ANO1: variants seen among roughly 807,000 people sequenced by gnomAD.
ANO1 encodes the protein anoctamin 1, also known as anoctamin-1.
ANO1 carries 59 observed loss-of-function variants against 124.0 expected under a neutral mutation model. The ratio of observed to expected loss-of-function variants is 0.48; its 90% CI spans 0.39 to 0.59. ANO1 has a LOEUF of 0.59. Among genes scored for constraint, ANO1 ranks in the 20% least tolerant of loss-of-function variants. ANO1 has a pLI of 0.00. For synonymous variants in ANO1, 529 were observed against 532.0 expected (o/e 0.99, Z 0.08); for missense variants, 1,059 against 1,328.0 (o/e 0.80, Z 3.15).
chr11:70,047,831 A>G (rs1404287296), intron 1 of ANO1, among the ~76,000 whole-genome samples: 4 of 152,238 alleles, frequency 2.6e-5, no homozygotes, highest in Admixed American at 6.5e-5. Context: ...AAAAAGGAAG[A>G]ATGGTATTTT....
chr11:70,079,489 C>T (rs1033381848), intron 1 of ANO1, among the ~76,000 whole-genome samples: 13 of 151,948 alleles, frequency 8.6e-5, no homozygotes, highest in African/African-American at 3.1e-4. Flanking sequence ...TCTAGGTAAC[C>T]CTATGTTTTA....
chr11:70,044,344 A>C (rs1460544468), intron 1 of ANO1, among the ~76,000 whole-genome samples: 1 of 152,128 alleles, frequency 6.6e-6, no homozygotes, highest in Non-Finnish European at 1.5e-5. Context: ...TAAATGGTCT[A>C]CACACTCCAA....
chr11:70,106,098 C>T (rs922091311), intron 5 of ANO1, among the ~76,000 whole-genome samples: 1 of 152,054 alleles, frequency 6.6e-6, no homozygotes, highest in Non-Finnish European at 1.5e-5. Flanking sequence ...GTCTCAGAGC[C>T]GCCTCGTGGT....
intron 11 of ANO1, among the ~76,000 whole-genome samples, chr11:70,141,977 T>C (rs908940047): frequency 2.6e-5 from 4 of 152,172 alleles, no homozygotes; most frequent in Non-Finnish European, 5.9e-5. Context: ...AGCCTGCTGT[T>C]TTAATCTTTG....
intron 24 of ANO1, among the ~76,000 whole-genome samples, chr11:70,184,672 G>A (rs935996355): frequency 3.9e-5 from 6 of 152,206 alleles, no homozygotes; most frequent in African/African-American, 7.2e-5. Flanking sequence ...TCGTTCTTTC[G>A]CAAATGTTTG....
At chr11:70,093,534 T>TG (rs2135271579) in intron 2 of ANO1, among the ~76,000 whole-genome samples, 1 of 152,260 alleles carries the variant, frequency 6.6e-6, no homozygotes, top group Admixed American at 6.5e-5. Flanking sequence ...CTGTGTGTGC[T>TG]GGGGGGCGGC....
Position 70,087,732 on chromosome 11 carries a change from GTCT to G in ANO1, c.109-18_109-16del. On this transcript the variant is annotated splice_polypyrimidine_tract_variant and intron_variant, in intron 1 of 25. Transcript: ENST00000355303. ...ACGAGCAGCTCGATGGTGAATGGGT[GTCT>G]TTTCTTCCACCCTTAGCTGCTGAAC... 1 of 1,562,108 alleles carries G rather than the reference GTCT, an allele frequency of 6.4e-7. No homozygotes were observed. Among genetic ancestry groups the G allele is most frequent in the African/African-American group, 1.4e-5 (1 of 74,038 alleles).
chr11:69,999,827 T>A (rs782696467), intron 1 of ANO1, among the ~76,000 whole-genome samples: 14 of 152,176 alleles, frequency 9.2e-5, no homozygotes, highest in Non-Finnish European at 1.6e-4. Context: ...GGGGTTCCTA[T>A]CCTTTTGTGA....
At position 70,095,407 on chromosome 11, in the gene ANO1, AAAGAAAGAAAGAAAG is replaced by A. The variant is rs1287249149; in HGVS notation, c.441+7326_441+7340del. On this transcript the variant is annotated intron_variant, in intron 2 of 25. Transcript: ENST00000355303. ...GAAAGAAAGAAAGAAAGAAAGAAAG[AAAGAAAGAAAGAAAG>A]AAAGAAAAGAAAAGAAAGAAAGAGG... Among the ~76,000 whole-genome samples, 16 of 49,700 alleles carry A rather than the reference AAAGAAAGAAAGAAAG, an allele frequency of 3.2e-4. 2 individuals are homozygous for A. The highest frequency in any genetic ancestry group is 3.2e-3 in the South Asian group (4 of 1,258). 32.6% of individuals were successfully genotyped at this position (49,700 alleles called of 152,430 possible). A position where few individuals can be genotyped will look rare whatever the true frequency, so the allele number is the denominator to read the frequency against.
chr11:70,114,012 A>G (rs1214601554), intron 7 of ANO1, among the ~76,000 whole-genome samples: 1 of 152,176 alleles, frequency 6.6e-6, no homozygotes, highest in African/African-American at 2.4e-5. Context: ...TTAGGGATTG[A>G]CTGTCAACAG....
In ANO1 at chr11:70,111,344, G is replaced by C. The variant is rs2045771511; in HGVS notation, c.800-363G>C. 2.0e-5 allele frequency among the ~76,000 whole-genome samples: 3 copies of C among 152,154 alleles called. No individual in the cohort carries two copies. In the South Asian group the frequency reaches 6.2e-4, roughly 32 times the overall value. ...TACAATCCACCTTCCCCATCTGCAGGCTTGCCCTCGGACAGGTGGGGGGAG... is the reference window on the plus strand; with the variant it reads ...TACAATCCACCTTCCCCATCTGCAGCCTTGCCCTCGGACAGGTGGGGGGAG... On this transcript the variant is annotated intron_variant, in intron 6 of 25. Transcript: ENST00000355303.
intron 15 of ANO1, among the ~76,000 whole-genome samples, 200 bp from the exon 16 acceptor site, chr11:70,156,745 GAT>G (rs1222038898): frequency 2.6e-5 from 4 of 152,212 alleles, no homozygotes; most frequent in African/African-American, 9.7e-5. Flanking sequence ...TGACATAGGT[GAT>G]AAACCCCGAA....
Position 70,112,553 on chromosome 11 carries a change from CTTTT to C in ANO1, c.855+805_855+808del, listed in dbSNP as rs11357130. Among the ~76,000 whole-genome samples, 314 of 136,822 alleles carry C rather than the reference CTTTT, an allele frequency of 2.3e-3. 1 individual carries two copies. The highest frequency in any genetic ancestry group is 8.0e-3 in the African/African-American group (298 of 37,044). 89.8% of individuals were successfully genotyped at this position (136,822 alleles called of 152,430 possible). Reference sequence around the variant, plus strand: ...CTTGTCCTAACTCCTCTTTTCTTTTCTTTTTTTTTTTTTTTTTGAAACAAGACAG... The same window carrying C: ...CTTGTCCTAACTCCTCTTTTCTTTTCTTTTTTTTTTTTTGAAACAAGACAG... On this transcript the variant is annotated intron_variant, in intron 7 of 25. Coordinates refer to ENST00000355303, the MANE Select transcript of ANO1 (RefSeq NM_018043.7).
chr11:70,106,655 A>G (rs900261725), intron 5 of ANO1, among the ~76,000 whole-genome samples: 1 of 152,252 alleles, frequency 6.6e-6, no homozygotes, highest in Non-Finnish European at 1.5e-5. Flanking sequence ...CTAAATGGCC[A>G]ACATGCTCCA....
At chr11:70,155,319 C>T (rs1288984815) in intron 14 of ANO1, among the ~76,000 whole-genome samples, 1 of 152,248 alleles carries the variant, frequency 6.6e-6, no homozygotes, top group East Asian at 1.9e-4. Context: ...AGCCCAGGCT[C>T]TCTGATCACA....
chr11:70,111,618 C>G, intron 6 of ANO1, 89 bp from the exon 7 acceptor site: 1 of 1,288,164 alleles, frequency 7.8e-7, no homozygotes, highest in Non-Finnish European at 1.1e-6. Context: ...CTCTTAGTGG[C>G]TGAGATGGCC....
At chr11:69,991,214 G>A (rs1412479102) in intron 1 of ANO1, among the ~76,000 whole-genome samples, 2 of 152,184 alleles carry the variant, frequency 1.3e-5, no homozygotes, top group Admixed American at 6.5e-5. Context: ...TTGTTGAAAA[G>A]ACTGTTCTGT....
chr11:70,004,839 G>A (rs7117274), intron 1 of ANO1, among the ~76,000 whole-genome samples: 74,077 of 152,040 alleles, frequency 0.49, 19,323 homozygotes, highest in East Asian at 0.89. Flanking sequence ...GAGGCCGGGC[G>A]CTGTGGCTCA....
At chr11:70,047,638 G>A (rs1857282274) in intron 1 of ANO1, among the ~76,000 whole-genome samples, 2 of 152,154 alleles carry the variant, frequency 1.3e-5, no homozygotes, top group Admixed American at 6.5e-5. Flanking sequence ...CTGTACAATG[G>A]TTTGAATCAT....
Sources: gnomAD v4.1 joint callset for allele counts (sites outside exome capture counted in the v4.1 genomes callset) on GRCh38, gnomAD v4.1.1 for gene constraint, MANE v1.5 for transcripts, NCBI Gene and HGNC (gene_info 2026-07-23, HGNC 2026-07-21) for gene names.